Variants in AMBN observed in about 807,000 individuals in gnomAD.
AMBN encodes enamel matrix protein.
AMBN carries 54 observed loss-of-function variants against 48.0 expected under a neutral mutation model. That is an observed-to-expected ratio of 1.12 (90% CI 0.90 to 1.41). AMBN has a LOEUF of 1.41. Among genes scored for constraint, AMBN ranks in the 40% most tolerant of loss-of-function variants. The pLI is 0.00. For synonymous variants in AMBN, 186 were observed against 190.0 expected (o/e 0.98, Z 0.17); for missense variants, 571 against 547.3 (o/e 1.04, Z -0.43).
chr4:70,601,688 A>T (rs754629521), intron 6 of AMBN, 34 bp downstream of exon 6: 1 of 1,593,250 alleles, frequency 6.3e-7, no homozygotes, highest in Admixed American at 1.7e-5. Flanking sequence ...GATCAGAATC[A>T]CCAGCTAACC....
Position 70,603,537 on chromosome 4 carries a change from T to TCA in AMBN, c.753+82_753+83dup, listed in dbSNP as rs1737576444. The TCA allele has an allele frequency of 4.3e-6, 6 of 1,396,730 alleles. No individual in the cohort carries two copies. In the South Asian group the frequency reaches 7.5e-5, roughly 17 times the overall value. 86.5% of individuals were successfully genotyped at this position (1,396,730 alleles called of 1,614,324 possible). On this transcript the variant is annotated intron_variant, in intron 11 of 12. Transcript: ENST00000322937. ...GAGCTAAAATTCAAAAATCTAGGTC[T>TCA]CACACAAGAGATTCCAAATAAACAT...
At chr4:70,596,693 G>A in intron 2 of AMBN, among the ~76,000 whole-genome samples, 1 of 152,240 alleles carries the variant, frequency 6.6e-6, no homozygotes, top group Non-Finnish European at 1.5e-5. Flanking sequence ...CTATTTTGTT[G>A]CTTTATTCTA....
intron 2 of AMBN, among the ~76,000 whole-genome samples, chr4:70,593,602 C>T (rs1282543558): frequency 3.9e-5 from 6 of 152,150 alleles, no homozygotes; most frequent in Non-Finnish European, 7.3e-5. Context: ...CGGTGGCTCA[C>T]GCCTGTAATC....
At position 70,606,707 on chromosome 4, in the gene AMBN, G is replaced by A. The variant is rs144829376; in HGVS notation, c.1321G>A (p.Ala441Thr). ...KAQEPEMMHD[A>T]WHFQEP is the part of the protein sequence containing the mutation. Reference sequence around the variant, plus strand: ...CCAGGAGCCCGAGATGATGCATGACGCATGGCATTTCCAAGAGCCCTGACA... The same window carrying A: ...CCAGGAGCCCGAGATGATGCATGACACATGGCATTTCCAAGAGCCCTGACA... The change falls in exon 13 of 13, where the codon GCA becomes ACA. Residue 441 changes from alanine to threonine, a missense_variant. By Grantham distance (58) the Ala-to-Thr change is moderately conservative (BLOSUM62 0). Coordinates refer to ENST00000322937, the MANE Select transcript of AMBN (RefSeq NM_016519.6). The A allele has an allele frequency of 2.0e-4, 319 of 1,612,892 alleles. 1 individual carries two copies. The highest frequency in any genetic ancestry group is 6.6e-4 in the Middle Eastern group (4 of 6,056).
chr4:70,595,914 G>T (rs1282277066), intron 2 of AMBN, among the ~76,000 whole-genome samples: 1 of 152,192 alleles, frequency 6.6e-6, no homozygotes, highest in Non-Finnish European at 1.5e-5. Context: ...CTGGCACTTT[G>T]GGAGGCCAAG....
intron 12 of AMBN, among the ~76,000 whole-genome samples, chr4:70,605,151 C>T (rs756017972): frequency 1.1e-4 from 17 of 152,080 alleles, no homozygotes; most frequent in Non-Finnish European, 1.5e-4. Context: ...TTAGCCCAGT[C>T]CAGGGATTCA....
chr4:70,603,760 T>A, intron 11 of AMBN, 117 bp from the exon 12 acceptor site: 1 of 1,084,342 alleles, frequency 9.2e-7, no homozygotes, highest in Non-Finnish European at 1.4e-6. Flanking sequence ...CCACTTTGCC[T>A]CTGTACACAG....
chr4:70,594,296 A>G (rs937136091), intron 2 of AMBN, among the ~76,000 whole-genome samples: 1 of 152,208 alleles, frequency 6.6e-6, no homozygotes, highest in Non-Finnish European at 1.5e-5. Flanking sequence ...TATTGAAATG[A>G]TCTCATACAA....
At chr4:70,604,432 C>T (rs1482021764) in intron 12 of AMBN, among the ~76,000 whole-genome samples, 1 of 152,120 alleles carries the variant, frequency 6.6e-6, no homozygotes, top group Non-Finnish European at 1.5e-5. Flanking sequence ...TTATCATTAT[C>T]CATGCAAGTT....
At chr4:70,600,976 G>A (rs529899227) in intron 5 of AMBN, among the ~76,000 whole-genome samples, 1 of 152,134 alleles carries the variant, frequency 6.6e-6, no homozygotes, top group East Asian at 1.9e-4. Flanking sequence ...ACCCACCATG[G>A]GCCAGGCACT....
At chr4:70,598,711 C>T (rs1346976263) in intron 4 of AMBN, among the ~76,000 whole-genome samples, 3 of 151,906 alleles carry the variant, frequency 2.0e-5, no homozygotes, top group Non-Finnish European at 2.9e-5. Flanking sequence ...TAGCTCAAAA[C>T]GAAATTTAAG....
chr4:70,594,999 AT>A (rs1244270468), intron 2 of AMBN, among the ~76,000 whole-genome samples: 2 of 152,142 alleles, frequency 1.3e-5, no homozygotes, highest in African/African-American at 4.8e-5. Flanking sequence ...CTGTGGCTCA[AT>A]CCAGGATGTG....
At chr4:70,598,895 C>T (rs1282449662) in intron 4 of AMBN, among the ~76,000 whole-genome samples, 1 of 151,536 alleles carries the variant, frequency 6.6e-6, no homozygotes, top group Non-Finnish European at 1.5e-5. Flanking sequence ...CTGTCTCAGC[C>T]TCCCAAGTAG....
intron 9 of AMBN, 39 bp from the exon 10 acceptor site, chr4:70,603,221 C>T: frequency 6.3e-7 from 1 of 1,581,958 alleles, no homozygotes; most frequent in South Asian, 1.1e-5. Flanking sequence ...TGGGGATGTG[C>T]CTGTGAGAAT....
chr4:70,602,501 T>C (rs1737539654), intron 6 of AMBN, 123 bp from the exon 7 acceptor site: 3 of 661,892 alleles, frequency 4.5e-6, no homozygotes, highest in Non-Finnish European at 4.8e-6. Context: ...AATTGTTTTA[T>C]TGTAATTGTA....
chr4:70,601,102 G>A lies in AMBN; in HGVS notation c.295-316G>A, dbSNP rs1355704807. Among the ~76,000 whole-genome samples the A allele has an allele frequency of 3.9e-5, 6 of 152,072 alleles. No individual in the cohort carries two copies. In the East Asian group the frequency reaches 9.6e-4, roughly 24 times the overall value. ...AATAATTATCATCCAGTGAGAAAGT[G>A]GTAAAATAAAGATACAGATACATAC... On this transcript the variant is annotated intron_variant, in intron 5 of 12. Coordinates refer to ENST00000322937, the MANE Select transcript of AMBN (RefSeq NM_016519.6).
rs200796492 is a variant in AMBN at position 70,606,263 on chromosome 4, C to T, written c.877C>T (p.Pro293Ser). Residue 293 changes from proline (P) to serine (S), a missense_variant, in exon 13 of 13, where the codon CCC becomes TCC. Pro to Ser is a moderately conservative substitution (Grantham distance 74). Coordinates refer to ENST00000322937, the MANE Select transcript of AMBN (RefSeq NM_016519.6). ...GGMRPGFEGMPHNPAMGGDFT... is the reference protein window; with the variant it reads ...GGMRPGFEGMSHNPAMGGDFT... ...CATGAGGCCCGGCTTTGAGGGAATGCCCCACAACCCAGCTATGGGCGGTGA... is the reference window on the plus strand; with the variant it reads ...CATGAGGCCCGGCTTTGAGGGAATGTCCCACAACCCAGCTATGGGCGGTGA... 32 of 1,614,098 alleles carry T rather than the reference C, an allele frequency of 2.0e-5. No individual in the cohort carries two copies. The Admixed American group carries it at 4.7e-4, about 24-fold the overall frequency.
chr4:70,601,563 C>T lies in AMBN; in HGVS notation c.440C>T (p.Pro147Leu). 6.2e-7 allele frequency: 1 copy of T among 1,614,178 alleles called. No individual in the cohort carries two copies. Among genetic ancestry groups the T allele is most frequent in the Non-Finnish European group, 8.5e-7 (1 of 1,179,998 alleles). ...ATALKEALQPPIHLGHLPLQE... is the reference protein window; with the variant it reads ...ATALKEALQPLIHLGHLPLQE... ...GCACTGAAAGAAGCACTTCAGCCTC[C>T]AATTCACCTGGGACATCTGCCCTTG... The change falls in exon 6 of 13, where the codon CCA becomes CTA. Residue 147 changes from proline (P) to leucine (L), a missense_variant. Pro to Leu is a moderately conservative substitution (Grantham distance 98). Transcript: ENST00000322937.
At chr4:70,597,072 A>G in intron 3 of AMBN, 23 bp downstream of exon 3, 2 of 1,599,390 alleles carry the variant, frequency 1.3e-6, no homozygotes, top group Non-Finnish European at 1.7e-6. Flanking sequence ...AGAATTTTTA[A>G]CATATTAACT....
Sources: gnomAD v4.1 joint callset for allele counts (sites outside exome capture counted in the v4.1 genomes callset) on GRCh38, gnomAD v4.1.1 for gene constraint, MANE v1.5 for transcripts, NCBI Gene and HGNC (gene_info 2026-07-23, HGNC 2026-07-21) for gene names.